Variants in NPAS3 observed in about 807,000 individuals in gnomAD.
NPAS3 encodes the protein neuronal PAS domain-containing protein 3.
Under a neutral mutation model 73.1 loss-of-function variants are expected in NPAS3, and 14 were observed. That is an observed-to-expected ratio of 0.19 (90% CI 0.13 to 0.30). The LOEUF (loss-of-function observed/expected upper bound fraction) is 0.30. Ranked by LOEUF, NPAS3 falls within the 10% of genes least tolerant of loss-of-function variation. The probability of loss-of-function intolerance (pLI) is 1.00; values close to 1 mark genes in which losing one functional copy is unlikely to be tolerated. For missense variants in NPAS3, 1,096 were observed against 1,250.0 expected (o/e 0.88, Z 1.86); for synonymous variants, 620 against 541.5 (o/e 1.14, Z -2.01).
At chr14:33,555,577 T>A (rs1364897778) in intron 4 of NPAS3, among the ~76,000 whole-genome samples, 1 of 152,212 alleles carries the variant, frequency 6.6e-6, no homozygotes, top group Non-Finnish European at 1.5e-5. Flanking sequence ...ACTAACTGAC[T>A]GAATGTTTTC....
rs530613333 is a variant in NPAS3 at position 33,276,606 on chromosome 14, C to A, written c.385+61180C>A. Among the ~76,000 whole-genome samples the A allele has an allele frequency of 8.7e-4, 132 of 151,342 alleles. 1 individual carries two copies. Among genetic ancestry groups the A allele is most frequent in the African/African-American group, 3.2e-3 (130 of 41,264 alleles). On this transcript the variant is annotated intron_variant, in intron 3 of 11. Transcript: ENST00000356141. ...CTCTGAGATCCTAAATAAGTTACTTCTTTTTTTTTCCCTGAGCTTCATTTA... is the reference window on the plus strand; with the variant it reads ...CTCTGAGATCCTAAATAAGTTACTTATTTTTTTTTCCCTGAGCTTCATTTA...
chr14:33,627,538 A>G (rs1178815028), intron 5 of NPAS3, among the ~76,000 whole-genome samples: 1 of 152,160 alleles, frequency 6.6e-6, no homozygotes, highest in Non-Finnish European at 1.5e-5. Flanking sequence ...TTTTAGTTGA[A>G]GACTTTTCAG....
chr14:33,251,246 A>G lies in NPAS3; in HGVS notation c.385+35820A>G, dbSNP rs1225262035. Among the ~76,000 whole-genome samples, 3 of 152,050 alleles carry G rather than the reference A, an allele frequency of 2.0e-5. No individual in the cohort carries two copies. In the East Asian group the frequency reaches 5.8e-4, roughly 29 times the overall value. On this transcript the variant is annotated intron_variant, in intron 3 of 11. Transcript: ENST00000356141. ...GCCGTTTTCCTTTTTCTTTTCTTAT[A>G]CAGAACTTCATTTTTCCCAGTGTCC... is the stretch of plus-strand genomic sequence containing the variant.
intron 3 of NPAS3, among the ~76,000 whole-genome samples, chr14:33,343,178 A>G (rs1414683780): frequency 6.6e-6 from 1 of 152,078 alleles, no homozygotes; most frequent in Non-Finnish European, 1.5e-5. Flanking sequence ...CATCCCTAGG[A>G]TGTGTTTTGT....
intron 6 of NPAS3, among the ~76,000 whole-genome samples, chr14:33,714,652 G>A (rs1421475293): frequency 6.6e-6 from 1 of 152,150 alleles, no homozygotes; most frequent in Admixed American, 6.5e-5. Flanking sequence ...CTTTTTAAAA[G>A]CAAGAGAGAT....
intron 7 of NPAS3, among the ~76,000 whole-genome samples, chr14:33,769,764 T>TTTC (rs2062589809): frequency 7.7e-6 from 1 of 130,270 alleles, no homozygotes; most frequent in Non-Finnish European, 1.6e-5. Flanking sequence ...TTCTTTTTTT[T>TTTC]TTTTTTTTTT....
At chr14:33,307,151 T>C (rs770548497) in intron 3 of NPAS3, among the ~76,000 whole-genome samples, 2 of 152,224 alleles carry the variant, frequency 1.3e-5, no homozygotes, top group Non-Finnish European at 2.9e-5. Flanking sequence ...TTGCAGATGC[T>C]ACTGAGGTTA....
At chr14:32,945,149 T>C (rs2036198138) in intron 1 of NPAS3, among the ~76,000 whole-genome samples, 1 of 152,164 alleles carries the variant, frequency 6.6e-6, no homozygotes, top group East Asian at 1.9e-4. Flanking sequence ...TTCATAGAAA[T>C]ATAAGGCTTT....
chr14:33,016,576 A>C (rs1378765178), intron 1 of NPAS3, among the ~76,000 whole-genome samples: 1 of 149,368 alleles, frequency 6.7e-6, no homozygotes, highest in East Asian at 2.1e-4. Flanking sequence ...TAGAACCATG[A>C]AAAAAGATTT....
At chr14:33,602,098 C>T (rs552018233) in intron 5 of NPAS3, among the ~76,000 whole-genome samples, 5 of 152,124 alleles carry the variant, frequency 3.3e-5, no homozygotes, top group South Asian at 4.2e-4. Flanking sequence ...GGGGAGACCT[C>T]GATTAGCTAG....
intron 7 of NPAS3, among the ~76,000 whole-genome samples, chr14:33,749,126 A>T (rs1245312296): frequency 6.6e-6 from 1 of 152,170 alleles, no homozygotes; most frequent in Non-Finnish European, 1.5e-5. Context: ...TCAGAAATTA[A>T]TCTATATCCT....
chr14:33,108,060 G>A (rs2042776522), intron 2 of NPAS3, among the ~76,000 whole-genome samples: 1 of 152,096 alleles, frequency 6.6e-6, no homozygotes, highest in African/African-American at 2.4e-5. Flanking sequence ...TTCACTGATT[G>A]GATTCCCAGT....
Position 33,566,275 on chromosome 14 carries a change from G to A in NPAS3, c.558+6065G>A, listed in dbSNP as rs540785420. On this transcript the variant is annotated intron_variant, in intron 5 of 11. Transcript: ENST00000356141. Reference sequence around the variant, plus strand: ...TGCATCATTTGACTGCATGCTGTCCGAGTGCTTGACAGAGATAATCTCAGC... The same window carrying A: ...TGCATCATTTGACTGCATGCTGTCCAAGTGCTTGACAGAGATAATCTCAGC... Among the ~76,000 whole-genome samples the A allele has an allele frequency of 3.5e-4, 53 of 151,092 alleles. 1 individual carries two copies. The South Asian group carries it at 9.7e-3, about 28-fold the overall frequency.
chr14:33,018,504 C>T (rs1325057639), intron 1 of NPAS3, among the ~76,000 whole-genome samples: 1 of 152,126 alleles, frequency 6.6e-6, no homozygotes, highest in Non-Finnish European at 1.5e-5. Flanking sequence ...CATTTCTCTT[C>T]TAAATCTAAA....
At chr14:33,570,406 C>T (rs969741048) in intron 5 of NPAS3, among the ~76,000 whole-genome samples, 5 of 152,180 alleles carry the variant, frequency 3.3e-5, no homozygotes, top group South Asian at 4.1e-4. Context: ...GTCCTGTCTA[C>T]ATAACTGTGT....
At chr14:33,092,812 A>C (rs1469207162) in intron 2 of NPAS3, among the ~76,000 whole-genome samples, 5 of 152,082 alleles carry the variant, frequency 3.3e-5, no homozygotes, top group Non-Finnish European at 7.4e-5. Context: ...AGAAATAACA[A>C]CACACATCTA....
At chr14:33,678,221 A>G (rs2140345196) in intron 6 of NPAS3, among the ~76,000 whole-genome samples, 1 of 152,266 alleles carries the variant, frequency 6.6e-6, no homozygotes. Context: ...GAAGCTCATG[A>G]ACTTGCGAGG....
At chr14:33,125,806 G>A (rs1394068800) in intron 2 of NPAS3, among the ~76,000 whole-genome samples, 1 of 152,126 alleles carries the variant, frequency 6.6e-6, no homozygotes, top group Non-Finnish European at 1.5e-5. Flanking sequence ...TAGGAAAGAG[G>A]ATCAAACTTA....
chr14:33,311,700 TA>T (rs1283743126), intron 3 of NPAS3, among the ~76,000 whole-genome samples: 1 of 152,102 alleles, frequency 6.6e-6, no homozygotes, highest in Admixed American at 6.6e-5. Context: ...AATTTGGACA[TA>T]ATAAAAGTAA....
Sources: gnomAD v4.1 joint callset for allele counts (sites outside exome capture counted in the v4.1 genomes callset) on GRCh38, gnomAD v4.1.1 for gene constraint, MANE v1.5 for transcripts, NCBI Gene and HGNC (gene_info 2026-07-23, HGNC 2026-07-21) for gene names.